Variants in APOLD1 observed in about 807,000 individuals in gnomAD.
APOLD1 encodes the protein apolipoprotein L domain containing 1.
Under a neutral mutation model 15.3 loss-of-function variants are expected in APOLD1, and 22 were observed. The ratio of observed to expected loss-of-function variants is 1.44; its 90% CI spans 1.03 to 2.05. APOLD1 has a LOEUF of 2.05. Ranked by LOEUF, APOLD1 falls within the 30% of genes most tolerant of loss-of-function variation. The pLI, the probability that APOLD1 is intolerant of heterozygous loss-of-function variation, is 0.00. For synonymous variants in APOLD1, 190 were observed against 167.4 expected (o/e 1.13, Z -1.04); for missense variants, 394 against 353.5 (o/e 1.11, Z -0.92).
chr12:12,786,748 G>GA (rs1947127701), intron 1 of APOLD1, 161 bp from the exon 2 acceptor site: 1 of 985,314 alleles, frequency 1.0e-6, no homozygotes, highest in South Asian at 4.7e-5. Context: ...AGGTCTTTGA[G>GA]AACTCGTCTC....
chr12:12,742,718 C>T (rs181822366), intron 1 of APOLD1, among the ~76,000 whole-genome samples: 37 of 149,826 alleles, frequency 2.5e-4, no homozygotes, highest in African/African-American at 8.4e-4. Flanking sequence ...GAGCTGAGAT[C>T]GCGCCACTGC....
At chr12:12,744,307 TAAAA>T (rs35191312) in intron 1 of APOLD1, among the ~76,000 whole-genome samples, 4 of 131,140 alleles carry the variant, frequency 3.1e-5, no homozygotes, top group African/African-American at 8.6e-5. Flanking sequence ...AGACCCTGCT[TAAAA>T]AAAAAAAAAA....
intron 1 of APOLD1, among the ~76,000 whole-genome samples, chr12:12,773,653 T>C (rs558631664): frequency 3.2e-4 from 49 of 152,332 alleles, no homozygotes; most frequent in Non-Finnish European, 5.6e-4. Context: ...TTCTTTGAAA[T>C]GATTAATAAA....
At position 12,753,499 on chromosome 12, in the gene APOLD1, C is replaced by T. The variant is rs562242929; in HGVS notation, c.96+27403C>T. ...GCAACATGGCGAGACTACGTCACTACAAAAAAATAATAAAAAAAATTTAGC... is the reference window on the plus strand; with the variant it reads ...GCAACATGGCGAGACTACGTCACTATAAAAAAATAATAAAAAAAATTTAGC... On this transcript the variant is annotated intron_variant, in intron 1 of 1. Coordinates refer to the APOLD1 transcript ENST00000326765. Among the ~76,000 whole-genome samples the T allele has an allele frequency of 3.3e-5, 5 of 151,854 alleles. No homozygotes were observed. In the East Asian group the frequency reaches 7.8e-4, roughly 24 times the overall value.
At chr12:12,785,604 A>AG, upstream of APOLD1, 1 of 1,613,356 alleles carries the variant, frequency 6.2e-7, no homozygotes, top group African/African-American at 1.3e-5. Context: ...AGGCTTTCCC[A>AG]GGGCAGCCAT....
chr12:12,778,107 T>C, intron 1 of APOLD1, among the ~76,000 whole-genome samples: 1 of 151,552 alleles, frequency 6.6e-6, no homozygotes, highest in Non-Finnish European at 1.5e-5. Context: ...TTATTTTTTA[T>C]TTTTTTGTGG....
chr12:12,748,813 C>T (rs1450545521), intron 1 of APOLD1, among the ~76,000 whole-genome samples: 4 of 152,012 alleles, frequency 2.6e-5, no homozygotes, highest in Admixed American at 1.3e-4. Context: ...TCAAAGGGGA[C>T]GTGGAAATAT....
intron 1 of APOLD1, among the ~76,000 whole-genome samples, chr12:12,763,191 A>AGTGTGCT (rs1465218604): frequency 6.6e-6 from 1 of 152,206 alleles, no homozygotes; most frequent in African/African-American, 2.4e-5. Flanking sequence ...CATGATGTTT[A>AGTGTGCT]GATATATGTG....
At chr12:12,784,115 C>A (rs2136400489), upstream of APOLD1, among the ~76,000 whole-genome samples, 1 of 152,260 alleles carries the variant, frequency 6.6e-6, no homozygotes, top group Non-Finnish European at 1.5e-5. Context: ...CCTTCTGGTT[C>A]TTCATCCCAC....
chr12:12,733,269 G>A (rs1458433874), intron 1 of APOLD1, among the ~76,000 whole-genome samples: 1 of 151,656 alleles, frequency 6.6e-6, no homozygotes, highest in Non-Finnish European at 1.5e-5. Context: ...AGACTGCAGT[G>A]AGCTGTGATC....
At chr12:12,748,691 T>C (rs1053409977) in intron 1 of APOLD1, among the ~76,000 whole-genome samples, 5 of 151,622 alleles carry the variant, frequency 3.3e-5, no homozygotes, top group Non-Finnish European at 7.4e-5. Flanking sequence ...AAAAAGATAA[T>C]GGGAAAAGCC....
chr12:12,744,634 C>A (rs1183794459), intron 1 of APOLD1, among the ~76,000 whole-genome samples: 1 of 152,296 alleles, frequency 6.6e-6, no homozygotes, highest in East Asian at 1.9e-4. Context: ...CAACTCTAGG[C>A]AGGTGATTTA....
rs56013011 is a variant in APOLD1, at chr12:12,739,983, A to AT, written c.96+13903dup. ...AGGTGTGCACTGCCACATCCGGCTAATTTTTTTTTTTTTTTTGGGATGGAG... is the reference window on the plus strand; with the variant it reads ...AGGTGTGCACTGCCACATCCGGCTAATTTTTTTTTTTTTTTTTGGGATGGAG... On this transcript the variant is annotated intron_variant, in intron 1 of 1. Transcript: ENST00000326765. Among the ~76,000 whole-genome samples, 107 of 138,646 alleles carry AT rather than the reference A, an allele frequency of 7.7e-4. 1 individual carries two copies. The highest frequency in any genetic ancestry group is 3.6e-3 in the Middle Eastern group (1 of 276). 91.0% of individuals were successfully genotyped at this position (138,646 alleles called of 152,430 possible). A position where few individuals can be genotyped will look rare whatever the true frequency, so the allele number is the denominator to read the frequency against.
At chr12:12,743,240 C>T (rs942243807) in intron 1 of APOLD1, among the ~76,000 whole-genome samples, 8 of 152,174 alleles carry the variant, frequency 5.3e-5, no homozygotes, top group African/African-American at 1.9e-4. Context: ...AATCAAAGAA[C>T]TCCTTTGGAG....
At chr12:12,743,275 ATTCCTAGCTAC>A (rs1399680506) in intron 1 of APOLD1, among the ~76,000 whole-genome samples, 2 of 152,184 alleles carry the variant, frequency 1.3e-5, no homozygotes, top group East Asian at 1.9e-4. Context: ...ACACACTTGT[ATTCCTAGCTAC>A]TAACGAGGCT....
At chr12:12,749,591 A>G (rs890725177) in intron 1 of APOLD1, among the ~76,000 whole-genome samples, 2 of 152,200 alleles carry the variant, frequency 1.3e-5, no homozygotes, top group Non-Finnish European at 2.9e-5. Context: ...AGTTGTTTGC[A>G]CAGGAGTGTG....
intron 1 of APOLD1, chr12:12,771,391 G>A (rs1946985845): frequency 2.8e-6 from 1 of 356,810 alleles, no homozygotes; most frequent in Non-Finnish European, 5.4e-6. Context: ...ATAGCCATAA[G>A]CAGCAACAAA....
intron 1 of APOLD1, among the ~76,000 whole-genome samples, chr12:12,745,585 G>A (rs1300697729): frequency 6.6e-6 from 1 of 152,092 alleles, no homozygotes; most frequent in Non-Finnish European, 1.5e-5. Flanking sequence ...TACAATTTTT[G>A]AGCAAAGAAA....
chr12:12,790,417 A>G lies in APOLD1; in HGVS notation c.*2765A>G, dbSNP rs898214247. The G allele has an allele frequency of 2.0e-5, 3 of 152,250 alleles. No individual in the cohort carries two copies. The highest frequency in any genetic ancestry group is 4.4e-5 in the Non-Finnish European group (3 of 68,046). 9.4% of individuals were successfully genotyped at this position (152,250 alleles called of 1,614,324 possible). A position where few individuals can be genotyped will look rare whatever the true frequency, so the allele number is the denominator to read the frequency against. On this transcript the variant is annotated 3_prime_UTR_variant, in exon 2 of 2. Coordinates refer to ENST00000356591, the MANE Select transcript of APOLD1 (RefSeq NM_030817.3). ...CATTATTAGTTGTGTTATGGCATAAAGGTACAACCATTCCCTAACTCCATC... is the reference window on the plus strand; with the variant it reads ...CATTATTAGTTGTGTTATGGCATAAGGGTACAACCATTCCCTAACTCCATC...
Sources: gnomAD v4.1 joint callset for allele counts (sites outside exome capture counted in the v4.1 genomes callset) on GRCh38, gnomAD v4.1.1 for gene constraint, MANE v1.5 for transcripts, NCBI Gene and HGNC (gene_info 2026-07-23, HGNC 2026-07-21) for gene names.